STAC: variants seen among roughly 807,000 people sequenced by gnomAD.
The protein encoded by STAC is SH3 and cysteine rich domain, also known as SH3 and cysteine-rich domain-containing protein.
In STAC, 43 loss-of-function variants were observed where a neutral mutation model predicts 48.8. That is an observed-to-expected ratio of 0.88 (90% CI 0.69 to 1.14). The LOEUF is 1.14. Among genes scored for constraint, STAC ranks in the 50% most tolerant of loss-of-function variants. STAC has a pLI of 0.00. For synonymous variants in STAC, 193 were observed against 179.5 expected (o/e 1.07, Z -0.60); for missense variants, 497 against 504.0 (o/e 0.99, Z 0.13).
chr3:36,384,997 A>T (rs1011970403), intron 1 of STAC, among the ~76,000 whole-genome samples: 1 of 152,198 alleles, frequency 6.6e-6, no homozygotes, highest in African/African-American at 2.4e-5. Context: ...AGGGAAGAAG[A>T]TGAAAGAAAA....
Position 36,453,729 on chromosome 3 carries a change from C to T in STAC, c.388+10089C>T, listed in dbSNP as rs1298151957. On this transcript the variant is annotated intron_variant, in intron 2 of 10. Transcript: ENST00000273183. ...TGGCAGGCAGCTCCACCTGCAGCCC[C>T]GGTGCGGGATCCACTGGGTGAAGCC... Among the ~76,000 whole-genome samples, 3 of 126,036 alleles carry T rather than the reference C, an allele frequency of 2.4e-5. 1 individual carries two copies. The highest frequency in any genetic ancestry group is 5.4e-5 in the Non-Finnish European group (3 of 55,992). The allele number at this position is 126,036 out of a possible 152,430, so 82.7% of individuals were successfully genotyped here.
At chr3:36,503,986 T>C (rs1363072203) in intron 6 of STAC, among the ~76,000 whole-genome samples, 5 of 152,192 alleles carry the variant, frequency 3.3e-5, no homozygotes, top group East Asian at 1.9e-4. Context: ...GAATCATATT[T>C]AGAAGAGGCA....
Position 36,546,269 on chromosome 3 carries a change from G to A in STAC, c.1189G>A (p.Asp397Asn). The A allele has an allele frequency of 1.2e-6, 2 of 1,614,046 alleles. No individual in the cohort carries two copies. Among genetic ancestry groups the A allele is most frequent in the Non-Finnish European group, 1.7e-6 (2 of 1,179,924 alleles). The change falls in exon 11 of 11, where the codon GAT (aspartate) becomes AAT (asparagine). Residue 397 changes from aspartate (D) to asparagine (N), a missense_variant. Asp to Asn is a conservative substitution (Grantham distance 23). Coordinates refer to ENST00000273183, the MANE Select transcript of STAC (RefSeq NM_003149.3). ...AAAAAAGAAAGGCCTCATCCCCCTT[G>A]ATGTACTAGAAAACATCTGATTGCT... ...SGKKKGLIPL[D>N]VLENI
At chr3:36,488,422 T>C (rs1052632455) in intron 5 of STAC, among the ~76,000 whole-genome samples, 1 of 152,220 alleles carries the variant, frequency 6.6e-6, no homozygotes, top group Non-Finnish European at 1.5e-5. Flanking sequence ...GCTGTTCTGC[T>C]CAGCCCATCT....
chr3:36,522,093 A>T (rs865793145), intron 8 of STAC, among the ~76,000 whole-genome samples: 2 of 152,202 alleles, frequency 1.3e-5, no homozygotes, highest in Non-Finnish European at 2.9e-5. Flanking sequence ...CTTTAAAAAA[A>T]AGAAAAAAAA....
chr3:36,533,486 T>G (rs1372928598), intron 10 of STAC, among the ~76,000 whole-genome samples: 13 of 148,670 alleles, frequency 8.7e-5, no homozygotes, highest in African/African-American at 1.5e-4. Context: ...TTTTTTTTTT[T>G]TTTTTTTTTT....
At chr3:36,409,741 T>G (rs1187589011) in intron 1 of STAC, 1 of 152,214 alleles carries the variant, frequency 6.6e-6, no homozygotes, top group Non-Finnish European at 1.5e-5. Context: ...TTCAGGTAAG[T>G]GGCTCCATAA....
chr3:36,414,803 T>G (rs1700281100), intron 1 of STAC, among the ~76,000 whole-genome samples: 1 of 152,242 alleles, frequency 6.6e-6, no homozygotes, highest in African/African-American at 2.4e-5. Context: ...TGTGGTTTTA[T>G]CTACCTTTGG....
chr3:36,488,831 AC>A (rs1209023454), intron 5 of STAC, among the ~76,000 whole-genome samples: 2 of 152,066 alleles, frequency 1.3e-5, no homozygotes, highest in Admixed American at 6.6e-5. Context: ...TGATTTATCG[AC>A]CCTTAAAGAA....
intron 1 of STAC, among the ~76,000 whole-genome samples, chr3:36,417,277 T>C (rs762349432): frequency 5.9e-5 from 9 of 152,178 alleles, no homozygotes; most frequent in Non-Finnish European, 1.2e-4. Context: ...GTTTTTCCCA[T>C]ATAAATGGAA....
intron 2 of STAC, among the ~76,000 whole-genome samples, chr3:36,478,015 C>T (rs1332307181): frequency 2.6e-5 from 4 of 152,188 alleles, no homozygotes; most frequent in African/African-American, 9.7e-5. Context: ...GTCCCAGATT[C>T]GCGTCTGAAA....
chr3:36,408,589 A>C (rs1387284603), intron 1 of STAC, among the ~76,000 whole-genome samples: 3 of 152,206 alleles, frequency 2.0e-5, no homozygotes, highest in Non-Finnish European at 4.4e-5. Flanking sequence ...AGGAAATCTA[A>C]TGGTGAGGCT....
chr3:36,517,829 A>G (rs1332624529), intron 8 of STAC, among the ~76,000 whole-genome samples: 1 of 152,062 alleles, frequency 6.6e-6, no homozygotes, highest in Non-Finnish European at 1.5e-5. Context: ...ATACACTTAT[A>G]CATGTAAATA....
chr3:36,518,358 C>A (rs1024708943), intron 8 of STAC, among the ~76,000 whole-genome samples: 1 of 151,866 alleles, frequency 6.6e-6, no homozygotes, highest in Non-Finnish European at 1.5e-5. Flanking sequence ...AAATCATTTT[C>A]GTTTTTATTA....
At chr3:36,416,791 G>A (rs1000123294) in intron 1 of STAC, among the ~76,000 whole-genome samples, 9 of 152,116 alleles carry the variant, frequency 5.9e-5, no homozygotes, top group African/African-American at 2.2e-4. Context: ...TTGCTGCCTT[G>A]GCTGGTAATT....
At chr3:36,456,507 T>A (rs1365993033) in intron 2 of STAC, among the ~76,000 whole-genome samples, 6 of 152,216 alleles carry the variant, frequency 3.9e-5, no homozygotes, top group African/African-American at 1.4e-4. Flanking sequence ...TTCTTCCCTG[T>A]CTTAATGCCT....
chr3:36,414,637 G>A (rs753130958), intron 1 of STAC, among the ~76,000 whole-genome samples: 12 of 152,052 alleles, frequency 7.9e-5, no homozygotes, highest in Non-Finnish European at 1.2e-4. Context: ...CCTTTAGCTC[G>A]GAGAAGTTTG....
chr3:36,398,672 GGAAAGAAA>G (rs1218701234), intron 1 of STAC, among the ~76,000 whole-genome samples: 2 of 113,422 alleles, frequency 1.8e-5, no homozygotes, highest in African/African-American at 3.6e-5. Context: ...AAGGAAGGAA[GGAAAGAAA>G]GAAAGAAAGA....
intron 8 of STAC, among the ~76,000 whole-genome samples, chr3:36,517,107 A>G (rs1175256896): frequency 6.6e-6 from 1 of 152,122 alleles, no homozygotes; most frequent in African/African-American, 2.4e-5. Flanking sequence ...TATCACTGAT[A>G]CCCAAGCTGT....
Sources: allele counts gnomAD v4.1 joint callset (sites outside exome capture counted in the v4.1 genomes callset), GRCh38; gene constraint gnomAD v4.1.1; transcripts MANE v1.5; gene names NCBI Gene and HGNC (gene_info 2026-07-23, HGNC 2026-07-21).